Variants in CHL1 observed in about 807,000 individuals in gnomAD.
CHL1 encodes neural cell adhesion molecule L1-like protein.
A neutral mutation model predicts 141.9 loss-of-function variants in CHL1; 96 were observed. The observed-to-expected ratio is 0.68, with a 90% CI of 0.57 to 0.80. The LOEUF (loss-of-function observed/expected upper bound fraction) is 0.80. Ranked by LOEUF, CHL1 falls within the 30% of genes least tolerant of loss-of-function variation. CHL1 has a pLI of 0.00. For missense variants in CHL1, 1,820 were observed against 1,457.2 expected (o/e 1.25, Z -4.05); for synonymous variants, 613 against 502.2 (o/e 1.22, Z -2.95).
intron 11 of CHL1, among the ~76,000 whole-genome samples, chr3:357,392 C>A (rs1380964092): frequency 6.6e-6 from 1 of 152,182 alleles, no homozygotes; most frequent in Non-Finnish European, 1.5e-5. Context: ...ATCGGACTAA[C>A]CCTTTTCACA....
intron 1 of CHL1, among the ~76,000 whole-genome samples, chr3:210,291 A>G (rs1699799525): frequency 6.6e-6 from 1 of 152,268 alleles, no homozygotes; most frequent in Non-Finnish European, 1.5e-5. Context: ...TTCAAACAAC[A>G]GACATTTTAT....
intron 2 of CHL1, among the ~76,000 whole-genome samples, chr3:286,026 A>C (rs1351610166): frequency 6.6e-6 from 1 of 152,172 alleles, no homozygotes; most frequent in Non-Finnish European, 1.5e-5. Context: ...AATGAACATA[A>C]TATGTAATGA....
intron 2 of CHL1, among the ~76,000 whole-genome samples, chr3:277,753 T>C (rs1696280075): frequency 6.6e-6 from 1 of 152,256 alleles, no homozygotes. Flanking sequence ...CCCCTTTCCC[T>C]GTCTTTGGCA....
intron 10 of CHL1, among the ~76,000 whole-genome samples, chr3:353,402 A>G (rs1703433740): frequency 6.6e-6 from 1 of 152,208 alleles, no homozygotes; most frequent in South Asian, 2.1e-4. Flanking sequence ...GACAAAAATA[A>G]ACCTTCACCT....
At chr3:271,706 G>C (rs181223263) in intron 2 of CHL1, among the ~76,000 whole-genome samples, 1 of 152,328 alleles carries the variant, frequency 6.6e-6, no homozygotes, top group East Asian at 1.9e-4. Context: ...TAGAAATCAG[G>C]AAATGTGTGA....
chr3:405,680 G>C lies in CHL1; in HGVS notation c.3644G>C (p.Ser1215Thr). 4 of 1,613,304 alleles carry C rather than the reference G, an allele frequency of 2.5e-6. No homozygotes were observed. The highest frequency in any genetic ancestry group is 3.4e-6 in the Non-Finnish European group (4 of 1,179,460). ...AAGGGATCTGTTGAAAGCAATGGAA[G>C]TTCTACAGCAACTTTTCCCCTTCGG... is the stretch of plus-strand genomic sequence containing the variant. ...KEKGSVESNG[S>T]STATFPLRA is the part of the protein sequence containing the mutation. The change falls in exon 28 of 28, where the codon AGT (serine) becomes ACT (threonine). Residue 1215 changes from serine to threonine, a missense_variant. Physicochemically the swap from Ser to Thr is moderately conservative, Grantham distance 58. Coordinates refer to ENST00000256509, the MANE Select transcript of CHL1 (RefSeq NM_006614.4).
intron 2 of CHL1, among the ~76,000 whole-genome samples, chr3:316,535 C>G (rs893798222): frequency 1.3e-5 from 2 of 151,806 alleles, no homozygotes; most frequent in African/African-American, 2.4e-5. Context: ...TACCCAGATT[C>G]ATAAAAATTA....
chr3:355,201 G>T (rs1298014245), intron 11 of CHL1, among the ~76,000 whole-genome samples: 1 of 152,116 alleles, frequency 6.6e-6, no homozygotes, highest in Non-Finnish European at 1.5e-5. Context: ...CCTTTTAAGG[G>T]ACTTGCTCTG....
rs528771917 is a variant in CHL1 at position 407,632 on chromosome 3, G to A, written c.*1921G>A. On this transcript the variant is annotated 3_prime_UTR_variant, in exon 28 of 28. Coordinates refer to ENST00000256509, the MANE Select transcript of CHL1 (RefSeq NM_006614.4). ...GTTTTGATTTATCTGGGAGAAAACT[G>A]TGGTGCACAGCTTGTGAGGAGGGCA... 6.6e-6 allele frequency: 1 copy of A among 152,230 alleles called. No individual in the cohort carries two copies. The highest frequency in any genetic ancestry group is 2.1e-4 in the South Asian group (1 of 4,830). The allele number at this position is 152,230 out of a possible 1,614,324, so 9.4% of individuals were successfully genotyped here.
chr3:319,376 G>A (rs1033155444), intron 2 of CHL1, among the ~76,000 whole-genome samples: 1 of 151,470 alleles, frequency 6.6e-6, no homozygotes, highest in African/African-American at 2.4e-5. Flanking sequence ...ATCTAAAATA[G>A]AAGTTGAGAA....
rs372114873 is a variant in CHL1, at chr3:342,103, G to A, written c.679+21G>A. On this transcript the variant is annotated intron_variant, in intron 7 of 27. Coordinates refer to ENST00000256509, the MANE Select transcript of CHL1 (RefSeq NM_006614.4). The stretch of plus-strand genomic sequence containing the variant: ...CAGTTGTAAGTCCACATAATTTATC[G>A]TTTCATCATGTATGCTGAATGCAAA... 3.7e-5 allele frequency: 58 copies of A among 1,587,842 alleles called. No homozygotes were observed. In the Admixed American group the frequency reaches 7.5e-4, roughly 20 times the overall value.
chr3:201,118 A>G (rs2125323677), intron 1 of CHL1, among the ~76,000 whole-genome samples: 1 of 152,362 alleles, frequency 6.6e-6, no homozygotes, highest in South Asian at 2.1e-4. Context: ...GGAATTCTGT[A>G]TCACTGGGTT....
intron 7 of CHL1, 116 bp from the exon 8 acceptor site, chr3:342,868 C>A: frequency 1.5e-6 from 1 of 682,076 alleles, no homozygotes. Flanking sequence ...TCTAGTGAAG[C>A]ATGGTTCTAC....
chr3:209,577 T>C (rs1031669354), intron 1 of CHL1, among the ~76,000 whole-genome samples: 2 of 152,210 alleles, frequency 1.3e-5, no homozygotes, highest in African/African-American at 4.8e-5. Flanking sequence ...TTTTTGTCAT[T>C]ATTATACTTC....
At chr3:342,878 C>T (rs1254781643) in intron 7 of CHL1, 106 bp from the exon 8 acceptor site, 3 of 798,864 alleles carry the variant, frequency 3.8e-6, no homozygotes, top group Non-Finnish European at 6.0e-6. Context: ...CATGGTTCTA[C>T]ATCATTTTGT....
chr3:296,183 G>C (rs962555130), intron 2 of CHL1, among the ~76,000 whole-genome samples: 1 of 152,116 alleles, frequency 6.6e-6, no homozygotes, highest in Non-Finnish European at 1.5e-5. Flanking sequence ...GCACTTAGTA[G>C]ATACTTGCCT....
intron 14 of CHL1, among the ~76,000 whole-genome samples, chr3:364,937 T>A (rs1460900442): frequency 1.3e-5 from 2 of 152,220 alleles, no homozygotes; most frequent in Admixed American, 1.3e-4. Flanking sequence ...TTGTATCTAT[T>A]ATTATTAAAT....
intron 2 of CHL1, among the ~76,000 whole-genome samples, chr3:265,084 T>C (rs1695040963): frequency 6.6e-6 from 1 of 152,246 alleles, no homozygotes; most frequent in African/African-American, 2.4e-5. Context: ...ACTAGGCTTA[T>C]TGGCCGTGTG....
At chr3:396,976 G>C (rs916929173) in intron 24 of CHL1, among the ~76,000 whole-genome samples, 2 of 152,074 alleles carry the variant, frequency 1.3e-5, no homozygotes, top group African/African-American at 4.8e-5. Flanking sequence ...TGCCTATATA[G>C]CTCATTTCAA....
Sources: allele counts gnomAD v4.1 joint callset (sites outside exome capture counted in the v4.1 genomes callset), GRCh38; gene constraint gnomAD v4.1.1; transcripts MANE v1.5; gene names NCBI Gene and HGNC (gene_info 2026-07-23, HGNC 2026-07-21).